The following SYT10 variants were observed in gnomAD, a reference collection of about 807,000 sequenced individuals.
SYT10 encodes synaptotagmin-10.
A neutral mutation model predicts 51.1 loss-of-function variants in SYT10; 31 were observed. That is an observed-to-expected ratio of 0.61 (90% confidence interval 0.46 to 0.82). The LOEUF (loss-of-function observed/expected upper bound fraction) is 0.82, where lower values mean the gene tolerates loss of function less well. Ranked by LOEUF, SYT10 falls within the 40% of genes least tolerant of loss-of-function variation. The pLI is 0.00. For synonymous variants in SYT10, 233 were observed against 225.9 expected (o/e 1.03, Z -0.28); for missense variants, 603 against 634.0 (o/e 0.95, Z 0.53).
At chr12:33,427,923 C>G (rs1355713901) in intron 1 of SYT10, among the ~76,000 whole-genome samples, 2 of 152,014 alleles carry the variant, frequency 1.3e-5, no homozygotes, top group Non-Finnish European at 2.9e-5. Context: ...AATGAGTAAT[C>G]CCAGAAACAT....
At chr12:33,439,228 G>T in intron 1 of SYT10, 144 bp downstream of exon 1, 1 of 1,078,652 alleles carries the variant, frequency 9.3e-7, no homozygotes, top group Non-Finnish European at 1.3e-6. Flanking sequence ...CAGGAGCTGA[G>T]CGAAGGAAGG....
At position 33,406,885 on chromosome 12, in the gene SYT10, A is replaced by C; in HGVS notation, c.981T>G (p.His327Gln). 1 of 1,614,086 alleles carries C rather than the reference A, an allele frequency of 6.2e-7. No individual in the cohort carries two copies. Among genetic ancestry groups the C allele is most frequent in the Non-Finnish European group, 8.5e-7 (1 of 1,180,014 alleles). ...CAAGAATCACTTCCCCAATCATGTC[A>C]TGTCTAGAAAATCTGTCAAAATCAT... The part of the protein sequence containing the change: ...SVYDFDRFSR[H>Q]DMIGEVILDN... The change falls in exon 3 of 7, where the codon CAT becomes CAG. Residue 327 changes from histidine (H) to glutamine (Q), a missense_variant. His to Gln is a conservative substitution (Grantham distance 24, BLOSUM62 0). Coordinates refer to ENST00000228567, the MANE Select transcript of SYT10 (RefSeq NM_198992.4).
chr12:33,411,506 T>C (rs1555116234), intron 2 of SYT10, among the ~76,000 whole-genome samples: 1 of 152,066 alleles, frequency 6.6e-6, no homozygotes, highest in Non-Finnish European at 1.5e-5. Flanking sequence ...ATTTTGAAAA[T>C]AACAACAAAG....
chr12:33,418,339 T>C (rs1182540342), intron 2 of SYT10, among the ~76,000 whole-genome samples: 2 of 152,152 alleles, frequency 1.3e-5, no homozygotes, highest in East Asian at 3.9e-4. Flanking sequence ...CTCTCAACGC[T>C]CAGAAATTTA....
chr12:33,387,309 A>C (rs1252405563), intron 3 of SYT10, among the ~76,000 whole-genome samples: 3 of 152,188 alleles, frequency 2.0e-5, no homozygotes, highest in Non-Finnish European at 2.9e-5. Context: ...GGTCCTGGGA[A>C]ATTCAATTAA....
chr12:33,396,174 T>C (rs1226211873), intron 3 of SYT10, among the ~76,000 whole-genome samples: 1 of 152,168 alleles, frequency 6.6e-6, no homozygotes, highest in Non-Finnish European at 1.5e-5. Context: ...AAAAGACTTC[T>C]GACCTATTAC....
intron 6 of SYT10, among the ~76,000 whole-genome samples, chr12:33,379,549 CAAAAAAAAAAAAAAAAAAAAA>C (rs71068377): frequency 4.5e-5 from 1 of 22,058 alleles, no homozygotes; most frequent in Non-Finnish European, 6.8e-5. Flanking sequence ...TCAGGCTATG[CAAAAAAAAAAAAAAAAAAAAA>C]AAAAAAAAAA....
intron 2 of SYT10, among the ~76,000 whole-genome samples, chr12:33,425,144 C>G (rs906458453): frequency 6.6e-6 from 1 of 151,824 alleles, no homozygotes; most frequent in African/African-American, 2.4e-5. Flanking sequence ...ATTTCTAAAC[C>G]CTTAAAAGTA....
chr12:33,430,433 A>G (rs1287898997), intron 1 of SYT10, among the ~76,000 whole-genome samples: 2 of 152,178 alleles, frequency 1.3e-5, no homozygotes, highest in Non-Finnish European at 2.9e-5. Context: ...TTGTCCACTG[A>G]AACTTATAAA....
chr12:33,401,710 A>G (rs1192621617), intron 3 of SYT10, among the ~76,000 whole-genome samples: 1 of 152,132 alleles, frequency 6.6e-6, no homozygotes, highest in African/African-American at 2.4e-5. Context: ...ACACCTAAGC[A>G]TATCCTTGTT....
intron 3 of SYT10, among the ~76,000 whole-genome samples, chr12:33,403,964 A>C (rs1483846165): frequency 1.3e-5 from 2 of 152,206 alleles, no homozygotes; most frequent in East Asian, 3.8e-4. Context: ...TATTCTGAAT[A>C]ATGTGTGGTT....
chr12:33,390,994 G>A (rs568289433), intron 3 of SYT10, among the ~76,000 whole-genome samples: 3 of 151,906 alleles, frequency 2.0e-5, no homozygotes, highest in African/African-American at 4.8e-5. Context: ...GCTGGAGTGC[G>A]GGCAAGATCT....
At chr12:33,435,697 T>C (rs1866632916) in intron 1 of SYT10, among the ~76,000 whole-genome samples, 1 of 152,208 alleles carries the variant, frequency 6.6e-6, no homozygotes, top group Non-Finnish European at 1.5e-5. Flanking sequence ...AATTGGGTAG[T>C]CATTTGCTTT....
chr12:33,421,800 GCAGAGAAAGTGGACTCT>G (rs1232724156), intron 2 of SYT10, among the ~76,000 whole-genome samples: 1 of 152,070 alleles, frequency 6.6e-6, no homozygotes, highest in Non-Finnish European at 1.5e-5. Context: ...TAATAATTGG[GCAGAGAAAGTGGACTCT>G]CAGATGCATT....
intron 3 of SYT10, among the ~76,000 whole-genome samples, chr12:33,388,265 C>T (rs1866175417): frequency 6.6e-6 from 1 of 152,034 alleles, no homozygotes; most frequent in African/African-American, 2.4e-5. Context: ...AAAGTAATGA[C>T]CTTGAGTCAT....
rs1187599009 is a variant in SYT10, at chr12:33,374,978, T to C, written c.*1852A>G. Reference sequence around the variant, plus strand: ...CAAAAATGTCATTCTATTAATAGTATAACTTTTTGTCTTCCTATTTGAAAA... The same window carrying C: ...CAAAAATGTCATTCTATTAATAGTACAACTTTTTGTCTTCCTATTTGAAAA... On this transcript the variant is annotated 3_prime_UTR_variant, in exon 7 of 7. Transcript: ENST00000228567. 2.6e-5 allele frequency: 4 copies of C among 152,048 alleles called. No homozygotes were observed. The highest frequency in any genetic ancestry group is 2.6e-4 in the Admixed American group (4 of 15,246). The allele number at this position is 152,048 out of a possible 1,614,324, so 9.4% of individuals were successfully genotyped here. A position where few individuals can be genotyped will look rare whatever the true frequency, so the allele number is the denominator to read the frequency against.
intron 3 of SYT10, among the ~76,000 whole-genome samples, chr12:33,396,437 T>A (rs1349035628): frequency 3.3e-5 from 5 of 152,268 alleles, no homozygotes; most frequent in Admixed American, 3.3e-4. Flanking sequence ...CTACTGTTAA[T>A]AAAAGAGTAA....
chr12:33,428,738 C>T (rs1434972536), intron 1 of SYT10, among the ~76,000 whole-genome samples: 1 of 152,028 alleles, frequency 6.6e-6, no homozygotes, highest in Non-Finnish European at 1.5e-5. Flanking sequence ...AACTCCGTCT[C>T]TACTAAAAAT....
rs755036425 is a variant in SYT10, at chr12:33,385,124, T to G, written c.1198+47A>C. The G allele has an allele frequency of 5.6e-6, 9 of 1,596,792 alleles. No individual in the cohort carries two copies. The South Asian group carries it at 1.0e-4, about 18-fold the overall frequency. On this transcript the variant is annotated intron_variant, in intron 4 of 6. Transcript: ENST00000228567. ...GTATCATTTTTAGATACATGAAATA[T>G]TTCATTTGAGATTGTGCCCTTGGTC...
Sources: gnomAD v4.1 joint callset for allele counts (sites outside exome capture counted in the v4.1 genomes callset) on GRCh38, gnomAD v4.1.1 for gene constraint, MANE v1.5 for transcripts, NCBI Gene and HGNC (gene_info 2026-07-23, HGNC 2026-07-21) for gene names.